The following PRSS16 variants were observed in gnomAD, a reference collection of about 807,000 sequenced individuals.
PRSS16 encodes the protein serine protease 16, also known as thymus-specific serine protease.
PRSS16 carries 43 observed loss-of-function variants against 61.7 expected under a neutral mutation model. The ratio of observed to expected loss-of-function variants is 0.70; its 90% CI spans 0.55 to 0.90. The LOEUF (loss-of-function observed/expected upper bound fraction) is 0.90, where lower values mean the gene tolerates loss of function less well. Ranked by LOEUF, PRSS16 falls within the 40% of genes least tolerant of loss-of-function variation. The pLI, the probability that PRSS16 is intolerant of heterozygous loss-of-function variation, is 0.00. For synonymous variants in PRSS16, 273 were observed against 285.2 expected, an observed-to-expected ratio of 0.96 and a Z score of 0.43; for missense variants, 591 against 659.1, an observed-to-expected ratio of 0.90 and a Z score of 1.13.
In PRSS16 at chr6:27,252,154, T is replaced by C; in HGVS notation, c.1008+114T>C. ...TTCTCTGAAACTTCGTTTTCTCATC[T>C]GTAAAATGGGGATAACACTTCACAG... On this transcript the variant is annotated intron_variant, in intron 8 of 11. Transcript: ENST00000230582. This position sits in a 1 kb window ranked among gnomAD's most constrained non-coding sequence, Gnocchi z 4.2. 7.9e-7 allele frequency: 1 copy of C among 1,271,618 alleles called. No individual in the cohort carries two copies. Among genetic ancestry groups the C allele is most frequent in the Non-Finnish European group, 1.0e-6 (1 of 957,522 alleles). The allele number at this position is 1,271,618 out of a possible 1,614,324, so 78.8% of individuals were successfully genotyped here.
chr6:27,252,474 G>C lies in PRSS16; in HGVS notation c.1009-334G>C, dbSNP rs2113734004. On this transcript the variant is annotated intron_variant, in intron 8 of 11. Transcript: ENST00000230582. This position sits in a 1 kb window ranked among gnomAD's most constrained non-coding sequence, Gnocchi z 4.2. ...GCTTTTCCAGCACTGTCTGGACCAAGTGCTGTATAAAGTGCTTCACATATA... is the reference window on the plus strand; with the variant it reads ...GCTTTTCCAGCACTGTCTGGACCAACTGCTGTATAAAGTGCTTCACATATA... Among the ~76,000 whole-genome samples the C allele has an allele frequency of 6.6e-6, 1 of 152,322 alleles. No homozygotes were observed. The highest frequency in any genetic ancestry group is 2.1e-4 in the South Asian group (1 of 4,826).
At position 27,252,984 on chromosome 6, in the gene PRSS16, C is replaced by T; in HGVS notation, c.1150+35C>T. ...TGGCCTAACCCTAACTTTGTCCCCT[C>T]AAACAACCTTTTTACTATGCCCAGA... On this transcript the variant is annotated intron_variant, in intron 9 of 11. Transcript: ENST00000230582. The surrounding 1 kb of genome is among the most constrained non-coding windows in gnomAD (Gnocchi z 4.2). 1 of 1,613,880 alleles carries T rather than the reference C, an allele frequency of 6.2e-7. No individual in the cohort carries two copies. Among genetic ancestry groups the T allele is most frequent in the Non-Finnish European group, 8.5e-7 (1 of 1,179,822 alleles).
Position 27,248,896 on chromosome 6 carries a change from T to G in PRSS16, c.287T>G (p.Phe96Cys). Residue 96 changes from phenylalanine (F) to cysteine (C), a missense_variant, in exon 3 of 12, where the codon TTC (phenylalanine) becomes TGC (cysteine). Coordinates refer to ENST00000230582, the MANE Select transcript of PRSS16 (RefSeq NM_005865.4). Reference sequence around the variant, plus strand: ...TGGGTTGGCCAGGATGGACCCATATTCCTGCATCTAGGGGGTGAGGGCAGC... The same window carrying G: ...TGGGTTGGCCAGGATGGACCCATATGCCTGCATCTAGGGGGTGAGGGCAGC... Reference protein sequence around the residue: ...QHWVGQDGPIFLHLGGEGSLG... With the variant: ...QHWVGQDGPICLHLGGEGSLG... The G allele has an allele frequency of 6.2e-6, 10 of 1,613,136 alleles. No individual in the cohort carries two copies. The highest frequency in any genetic ancestry group is 8.5e-6 in the Non-Finnish European group (10 of 1,179,544).
Position 27,255,368 on chromosome 6 carries a change from G to A in PRSS16, c.*53G>A. 2 of 1,507,886 alleles carry A rather than the reference G, an allele frequency of 1.3e-6. No homozygotes were observed. The highest frequency in any genetic ancestry group is 1.8e-6 in the Non-Finnish European group (2 of 1,106,108). The allele number at this position is 1,507,886 out of a possible 1,614,324, so 93.4% of individuals were successfully genotyped here. On this transcript the variant is annotated 3_prime_UTR_variant, in exon 12 of 12. Coordinates refer to ENST00000230582, the MANE Select transcript of PRSS16 (RefSeq NM_005865.4). The surrounding 1 kb of genome is among the most constrained non-coding windows in gnomAD (Gnocchi z 4.4). The stretch of plus-strand genomic sequence containing the variant: ...GGTCACCTCAGTCCTGGACATACTT[G>A]TTCACTGAACAAAAGAAAGCAGCTT...
In PRSS16 at chr6:27,251,708, C is replaced by G. The variant is rs1759908360; in HGVS notation, c.718-42C>G. On this transcript the variant is annotated intron_variant, in intron 7 of 11. Coordinates refer to ENST00000230582, the MANE Select transcript of PRSS16 (RefSeq NM_005865.4). This position sits in a 1 kb window ranked among gnomAD's most constrained non-coding sequence, Gnocchi z 5.6. ...GGTCCTGGGTAGGGAAAGCCGAGGCCCAGCCTAAGTCTTGGCGGACATCGC... is the reference window on the plus strand; with the variant it reads ...GGTCCTGGGTAGGGAAAGCCGAGGCGCAGCCTAAGTCTTGGCGGACATCGC... 1.3e-6 allele frequency: 2 copies of G among 1,556,186 alleles called. No homozygotes were observed. Among genetic ancestry groups the G allele is most frequent in the East Asian group, 2.3e-5 (1 of 44,356 alleles).
Position 27,254,737 on chromosome 6 carries a change from G to T in PRSS16, c.1195G>T (p.Ala399Ser). 1 of 1,614,046 alleles carries T rather than the reference G, an allele frequency of 6.2e-7. No individual in the cohort carries two copies. The highest frequency in any genetic ancestry group is 1.1e-5 in the South Asian group (1 of 91,082). ...NPRCPFSQLPALPSQLDLCEQ... is the reference protein window; with the variant it reads ...NPRCPFSQLPSLPSQLDLCEQ... ...CAGATGTCCTTTCTCCCAGCTCCCA[G>T]CACTGCCCTCCCAGCTAGACCTATG... Residue 399 changes from alanine (A) to serine (S), a missense_variant, in exon 10 of 12, where the codon GCA (alanine) becomes TCA (serine). Ala to Ser is a moderately conservative substitution (Grantham distance 99). Coordinates refer to ENST00000230582, the MANE Select transcript of PRSS16 (RefSeq NM_005865.4).
In PRSS16 at chr6:27,249,249, G is replaced by C. The variant is rs752812320; in HGVS notation, c.467+20G>C. The C allele has an allele frequency of 6.2e-7, 1 of 1,610,164 alleles. No homozygotes were observed. Among genetic ancestry groups the C allele is most frequent in the Non-Finnish European group, 8.5e-7 (1 of 1,178,388 alleles). On this transcript the variant is annotated intron_variant, in intron 4 of 11. Transcript: ENST00000230582. ...CCTTGCGTGAGTGGAGGAAGGGAAA[G>C]TGTTTATGGTCAAAGGACAGGAATG... is the stretch of plus-strand genomic sequence containing the variant.
Position 27,255,466 on chromosome 6 carries a change from A to G in PRSS16, c.*151A>G. On this transcript the variant is annotated 3_prime_UTR_variant, in exon 12 of 12. Coordinates refer to ENST00000230582, the MANE Select transcript of PRSS16 (RefSeq NM_005865.4). The surrounding 1 kb of genome is among the most constrained non-coding windows in gnomAD (Gnocchi z 4.4). The stretch of plus-strand genomic sequence containing the variant: ...GCACGTAATTGGCATGTGTCTGCAA[A>G]CATCCTTATTCCCAACTTAAAGTGC... 1 of 727,856 alleles carries G rather than the reference A, an allele frequency of 1.4e-6. No homozygotes were observed. The highest frequency in any genetic ancestry group is 2.3e-6 in the Non-Finnish European group (1 of 443,734). The allele number at this position is 727,856 out of a possible 1,614,324, so 45.1% of individuals were successfully genotyped here.
Position 27,247,705 on chromosome 6 carries a change from G to A in PRSS16, c.-33G>A, listed in dbSNP as rs1761249299. The A allele has an allele frequency of 3.2e-6, 5 of 1,550,464 alleles. No individual in the cohort carries two copies. In the African/African-American group the frequency reaches 5.5e-5, roughly 17 times the overall value. On this transcript the variant is annotated 5_prime_UTR_variant, in exon 1 of 12. Coordinates refer to ENST00000230582, the MANE Select transcript of PRSS16 (RefSeq NM_005865.4). The stretch of plus-strand genomic sequence containing the variant: ...CCCGGCTGCTGAGGATAAGATAAAG[G>A]TCCTCCTGGGGGAGAACAGAGTCCC...
At position 27,251,539 on chromosome 6, in the gene PRSS16, G is replaced by A. The variant is rs1296668874; in HGVS notation, c.718-211G>A. The A allele has an allele frequency of 2.2e-5, 16 of 721,642 alleles. No homozygotes were observed. Among genetic ancestry groups the A allele is most frequent in the Admixed American group, 6.4e-5 (2 of 31,020 alleles). 44.7% of individuals were successfully genotyped at this position (721,642 alleles called of 1,614,324 possible). A position where few individuals can be genotyped will look rare whatever the true frequency, so the allele number is the denominator to read the frequency against. ...GTGGGGCGGGGCCACAATGGAGGAC[G>A]GGGCCTGCAGGGAAGACCCGAGAAG... On this transcript the variant is annotated intron_variant, in intron 7 of 11. Coordinates refer to ENST00000230582, the MANE Select transcript of PRSS16 (RefSeq NM_005865.4). This position sits in a 1 kb window ranked among gnomAD's most constrained non-coding sequence, Gnocchi z 5.6.
rs1759907921 is a variant in PRSS16 at position 27,251,693 on chromosome 6, A to C, written c.718-57A>C. ...CCCAAGGAGGACGCAGGTCCTGGGTAGGGAAAGCCGAGGCCCAGCCTAAGT... is the reference window on the plus strand; with the variant it reads ...CCCAAGGAGGACGCAGGTCCTGGGTCGGGAAAGCCGAGGCCCAGCCTAAGT... On this transcript the variant is annotated intron_variant, in intron 7 of 11. Coordinates refer to ENST00000230582, the MANE Select transcript of PRSS16 (RefSeq NM_005865.4). The surrounding 1 kb of genome is among the most constrained non-coding windows in gnomAD (Gnocchi z 5.6). 4.5e-6 allele frequency: 7 copies of C among 1,542,318 alleles called. No individual in the cohort carries two copies. The highest frequency in any genetic ancestry group is 2.1e-5 in the Admixed American group (1 of 47,428).
intron 9 of PRSS16, chr6:27,253,530 C>T (rs1252377579): frequency 2.2e-6 from 1 of 450,234 alleles, no homozygotes; most frequent in African/African-American, 2.0e-5. Flanking sequence ...AAAACCACAG[C>T]TCCTCAAAGA....
intron 1 of PRSS16, 34 bp from the exon 2 acceptor site, chr6:27,247,848 G>A (rs755469097): frequency 1.2e-6 from 2 of 1,613,026 alleles, no homozygotes; most frequent in African/African-American, 1.3e-5. Context: ...TCCTAAGGGG[G>A]CCAGCCTGAC....
rs748163265 is a variant in PRSS16, at chr6:27,248,100, T to G, written c.237+52T>G. ...TAACCATCCTGCCCTCTCCTCAGTCTCCCTCATCTCTTCCTCAGTCTGCAC... is the reference window on the plus strand; with the variant it reads ...TAACCATCCTGCCCTCTCCTCAGTCGCCCTCATCTCTTCCTCAGTCTGCAC... On this transcript the variant is annotated intron_variant, in intron 2 of 11. Transcript: ENST00000230582. 8.3e-6 allele frequency: 13 copies of G among 1,561,338 alleles called. No homozygotes were observed. The Admixed American group carries it at 2.5e-4, about 30-fold the overall frequency.
chr6:27,251,253 G>T lies in PRSS16; in HGVS notation c.706G>T (p.Gly236Trp). ...AAGCCTAATGAGCACCGCGATCGGC[G>T]GGTCCCTGGAGGTAGGAGGTGGGGC... ...SRSLMSTAIG[G>W]SLECRAAVSV... Residue 236 changes from glycine to tryptophan, a missense_variant, in exon 7 of 12, where the codon GGG becomes TGG. Transcript: ENST00000230582. The surrounding 1 kb of genome is among the most constrained non-coding windows in gnomAD (Gnocchi z 5.6). 1.2e-6 allele frequency: 2 copies of T among 1,607,676 alleles called. No homozygotes were observed. Among genetic ancestry groups the T allele is most frequent in the Non-Finnish European group, 1.7e-6 (2 of 1,176,670 alleles).
chr6:27,247,769 C>G lies in PRSS16; in HGVS notation c.32C>G (p.Pro11Arg). The G allele has an allele frequency of 6.3e-7, 1 of 1,594,308 alleles. No homozygotes were observed. Among genetic ancestry groups the G allele is most frequent in the Non-Finnish European group, 8.5e-7 (1 of 1,170,798 alleles). The stretch of plus-strand genomic sequence containing the variant: ...GTCTGGCTTGCCCAGTGGCTGGGCC[C>G]TCTGCTCTTGGTTTCCCTCTGGGGA... MAVWLAQWLG[P>R]LLLVSLWGLL... The change falls in exon 1 of 12, where the codon CCT becomes CGT. Residue 11 changes from proline to arginine, a missense_variant. Pro to Arg is a moderately radical substitution (Grantham distance 103, BLOSUM62 -2). Coordinates refer to ENST00000230582, the MANE Select transcript of PRSS16 (RefSeq NM_005865.4).
At position 27,247,707 on chromosome 6, in the gene PRSS16, C is replaced by A. The variant is rs41269253; in HGVS notation, c.-31C>A. 80,691 of 1,550,898 alleles carry A rather than the reference C, an allele frequency of 0.052. 2,572 individuals are homozygous for A. The highest frequency in any genetic ancestry group is 0.11 in the African/African-American group (8,368 of 73,134). ...CGGCTGCTGAGGATAAGATAAAGGT[C>A]CTCCTGGGGGAGAACAGAGTCCCGA... On this transcript the variant is annotated 5_prime_UTR_variant, in exon 1 of 12. Coordinates refer to ENST00000230582, the MANE Select transcript of PRSS16 (RefSeq NM_005865.4).
chr6:27,254,758 C>T lies in PRSS16; in HGVS notation c.1216C>T (p.Leu406=). 2 of 1,614,086 alleles carry T rather than the reference C, an allele frequency of 1.2e-6. No individual in the cohort carries two copies. Among genetic ancestry groups the T allele is most frequent in the Non-Finnish European group, 1.7e-6 (2 of 1,179,922 alleles). Residue 406 remains leucine (L), a synonymous_variant, in exon 10 of 12, where the codon CTA becomes TTA. Coordinates refer to ENST00000230582, the MANE Select transcript of PRSS16 (RefSeq NM_005865.4). ...CCCAGCACTGCCCTCCCAGCTAGAC[C>T]TATGTGAGCAGGTGTTTGGGCTCTC... ...QLPALPSQLD[L]CEQVFGLSAL...
chr6:27,251,384 G>A lies in PRSS16; in HGVS notation c.717+120G>A. ...GTGGCGGGGTCTAAGGAAGGTCGGA[G>A]CTCGGGGGAATACGCAGGTTTTGGA... is the stretch of plus-strand genomic sequence containing the variant. On this transcript the variant is annotated intron_variant, in intron 7 of 11. Transcript: ENST00000230582. This position sits in a 1 kb window ranked among gnomAD's most constrained non-coding sequence, Gnocchi z 5.6. 7.8e-7 allele frequency: 1 copy of A among 1,279,402 alleles called. No individual in the cohort carries two copies. The highest frequency in any genetic ancestry group is 1.1e-6 in the Non-Finnish European group (1 of 948,002). 79.3% of individuals were successfully genotyped at this position (1,279,402 alleles called of 1,614,324 possible).
Sources: allele counts gnomAD v4.1 joint callset (sites outside exome capture counted in the v4.1 genomes callset), GRCh38; gene constraint gnomAD v4.1.1; non-coding constraint Gnocchi (gnomAD v3.1); transcripts MANE v1.5; gene names NCBI Gene and HGNC (gene_info 2026-07-23, HGNC 2026-07-21).